CMC1: variants seen among roughly 807,000 people sequenced by gnomAD.
The protein encoded by CMC1 is COX assembly mitochondrial protein homolog.
A neutral mutation model predicts 14.1 loss-of-function variants in CMC1; 14 were observed. That is an observed-to-expected ratio of 0.99 (90% CI 0.66 to 1.55). The LOEUF is 1.55. Among genes scored for constraint, CMC1 ranks in the 40% most tolerant of loss-of-function variants. The pLI is 0.00. For synonymous variants in CMC1, 50 were observed against 38.4 expected, an observed-to-expected ratio of 1.30 and a Z score of -1.12; for missense variants, 127 against 123.8, an observed-to-expected ratio of 1.03 and a Z score of -0.12.
At chr3:28,299,834 T>C (rs965485167) in intron 2 of CMC1, among the ~76,000 whole-genome samples, 1 of 152,030 alleles carries the variant, frequency 6.6e-6, no homozygotes, top group Non-Finnish European at 1.5e-5. Context: ...AAAAATAGAG[T>C]CTGTAACATT....
At chr3:28,287,266 TTGAC>T (rs1424667971) in intron 2 of CMC1, among the ~76,000 whole-genome samples, 3 of 152,162 alleles carry the variant, frequency 2.0e-5, no homozygotes, top group Admixed American at 6.5e-5. Context: ...TTCAGCACCT[TTGAC>T]TGGCATCTTT....
intron 2 of CMC1, 153 bp from the exon 3 acceptor site, chr3:28,316,180 T>C: frequency 2.0e-6 from 1 of 494,298 alleles, no homozygotes; most frequent in Non-Finnish European, 3.6e-6. Context: ...ACATAATAGA[T>C]GTTCAAGGCT....
chr3:28,253,853 A>C, intron 1 of CMC1: 1 of 577,066 alleles, frequency 1.7e-6, no homozygotes, highest in South Asian at 1.6e-5. Context: ...CATTATTGAA[A>C]GGGCATAACT....
At position 28,319,785 on chromosome 3, in the gene CMC1, T is replaced by A. The variant is rs957301483; in HGVS notation, c.*156T>A. The A allele has an allele frequency of 3.1e-6, 2 of 648,002 alleles. No homozygotes were observed. The highest frequency in any genetic ancestry group is 3.8e-5 in the African/African-American group (2 of 52,554). 40.1% of individuals were successfully genotyped at this position (648,002 alleles called of 1,614,324 possible). On this transcript the variant is annotated 3_prime_UTR_variant, in exon 4 of 4. Coordinates refer to ENST00000466830, the MANE Select transcript of CMC1 (RefSeq NM_182523.2). ...TATTTTATTTCAAAGTTTTGGTTTCTTAAATGGGAAAGGAGTAGTTACTGA... is the reference window on the plus strand; with the variant it reads ...TATTTTATTTCAAAGTTTTGGTTTCATAAATGGGAAAGGAGTAGTTACTGA...
At position 28,321,201 on chromosome 3, in the gene CMC1, G is replaced by T. The variant is rs1577114352; in HGVS notation, c.*1572G>T. On this transcript the variant is annotated 3_prime_UTR_variant, in exon 4 of 4. Transcript: ENST00000466830. ...AAATCTAGAGACCACACAGCATAGG[G>T]GCAAACATGCCCATATTTCCACATT... 6.6e-6 allele frequency: 1 copy of T among 151,316 alleles called. No individual in the cohort carries two copies. The highest frequency in any genetic ancestry group is 2.1e-4 in the South Asian group (1 of 4,822). 9.4% of individuals were successfully genotyped at this position (151,316 alleles called of 1,614,324 possible). A position where few individuals can be genotyped will look rare whatever the true frequency, so the allele number is the denominator to read the frequency against.
Position 28,263,400 on chromosome 3 carries a change from G to A in CMC1, c.109+20G>A. On this transcript the variant is annotated intron_variant, in intron 2 of 3. Transcript: ENST00000466830. ...TTCAAGGTAACATTCAAATATTCAT[G>A]TAAAGATCAAATTTATTTTTAATAA... The A allele has an allele frequency of 1.4e-6, 2 of 1,446,574 alleles. No homozygotes were observed. The highest frequency in any genetic ancestry group is 1.9e-6 in the Non-Finnish European group (2 of 1,048,516). 89.6% of individuals were successfully genotyped at this position (1,446,574 alleles called of 1,614,324 possible). A position where few individuals can be genotyped will look rare whatever the true frequency, so the allele number is the denominator to read the frequency against.
intron 2 of CMC1, among the ~76,000 whole-genome samples, chr3:28,312,824 C>T (rs1702705273): frequency 6.6e-6 from 1 of 152,022 alleles, no homozygotes; most frequent in African/African-American, 2.4e-5. Flanking sequence ...CCTAGATAAT[C>T]TTGAGCCAAA....
chr3:28,317,107 T>C (rs989554578), intron 3 of CMC1: 3 of 152,076 alleles, frequency 2.0e-5, no homozygotes, highest in Non-Finnish European at 4.4e-5. Context: ...CTTTGTTTCC[T>C]TTAATTTCTG....
intron 2 of CMC1, among the ~76,000 whole-genome samples, chr3:28,307,276 G>A (rs1045385099): frequency 6.6e-6 from 1 of 152,140 alleles, no homozygotes; most frequent in Non-Finnish European, 1.5e-5. Flanking sequence ...CCTTAAAAAT[G>A]TATTATTCAG....
intron 2 of CMC1, among the ~76,000 whole-genome samples, chr3:28,270,844 G>C (rs767881090): frequency 4.0e-5 from 6 of 151,174 alleles, no homozygotes; most frequent in Non-Finnish European, 7.4e-5. Flanking sequence ...TGTCCTGAAT[G>C]GTATTGCCTA....
intron 2 of CMC1, among the ~76,000 whole-genome samples, chr3:28,289,736 T>C (rs1422589897): frequency 1.3e-5 from 2 of 152,120 alleles, no homozygotes; most frequent in Non-Finnish European, 2.9e-5. Flanking sequence ...TTACTTCCTT[T>C]TTGCATTTTA....
In CMC1 at chr3:28,319,620, A is replaced by G; in HGVS notation, c.312A>G (p.Thr104=). ...PTKKRLQKLP[T]SM ...AGAAAAGGCTACAGAAGCTTCCAAC[A>G]AGCATGTAGGCAGATACTCAAATGA... Residue 104 remains threonine (T), a synonymous_variant, in exon 4 of 4, where the codon ACA becomes ACG. Transcript: ENST00000466830. 1.2e-6 allele frequency: 2 copies of G among 1,605,598 alleles called. No individual in the cohort carries two copies. Among genetic ancestry groups the G allele is most frequent in the South Asian group, 1.1e-5 (1 of 89,604 alleles).
At chr3:28,306,897 C>T (rs1043246614) in intron 2 of CMC1, among the ~76,000 whole-genome samples, 5 of 152,134 alleles carry the variant, frequency 3.3e-5, no homozygotes, top group African/African-American at 4.8e-5. Context: ...CCGCCCACCT[C>T]GGCCTCCCAG....
chr3:28,278,085 A>ATT (rs1159795289), intron 2 of CMC1, among the ~76,000 whole-genome samples: 2 of 101,434 alleles, frequency 2.0e-5, no homozygotes, highest in Admixed American at 9.9e-5. Context: ...GATGTGATTG[A>ATT]GATACTCCAA....
intron 2 of CMC1, among the ~76,000 whole-genome samples, chr3:28,268,828 A>G (rs1436512486): frequency 6.6e-6 from 1 of 152,242 alleles, no homozygotes; most frequent in Non-Finnish European, 1.5e-5. Flanking sequence ...TCAATCATAA[A>G]TACAGCTGAA....
intron 1 of CMC1, among the ~76,000 whole-genome samples, chr3:28,246,798 A>ATTTT (rs770788764): frequency 8.2e-6 from 1 of 121,458 alleles, no homozygotes; most frequent in African/African-American, 3.1e-5. Context: ...GGGTCCATTG[A>ATTTT]TTTTTTTTTT....
chr3:28,278,739 C>T (rs970358097), intron 2 of CMC1, among the ~76,000 whole-genome samples: 11 of 152,172 alleles, frequency 7.2e-5, no homozygotes, highest in Non-Finnish European at 1.2e-4. Flanking sequence ...ATTACCTATT[C>T]GGTATCAACT....
At chr3:28,274,721 CA>C (rs1306599002) in intron 2 of CMC1, among the ~76,000 whole-genome samples, 3 of 151,822 alleles carry the variant, frequency 2.0e-5, no homozygotes, top group African/African-American at 7.3e-5. Flanking sequence ...AGCTTGTTTC[CA>C]TACTTCCTGT....
At chr3:28,255,722 T>TACACACACAC (rs372487968) in intron 1 of CMC1, among the ~76,000 whole-genome samples, 6,349 of 144,246 alleles carry the variant, frequency 0.044, 148 homozygotes, top group African/African-American at 0.05. Flanking sequence ...TACATGTACA[T>TACACACACAC]ACACACACAC....
Sources: gnomAD v4.1 joint callset for allele counts (sites outside exome capture counted in the v4.1 genomes callset) on GRCh38, gnomAD v4.1.1 for gene constraint, MANE v1.5 for transcripts, NCBI Gene and HGNC (gene_info 2026-07-23, HGNC 2026-07-21) for gene names.